LRRC4C: variants seen among roughly 807,000 people sequenced by gnomAD.
LRRC4C encodes the protein leucine rich repeat containing 4C.
LRRC4C carries 5 observed loss-of-function variants against 33.6 expected under a neutral mutation model. The observed-to-expected ratio is 0.15, with a 90% CI of 0.08 to 0.31. The LOEUF (loss-of-function observed/expected upper bound fraction) is 0.31. Ranked by LOEUF, LRRC4C falls within the 10% of genes least tolerant of loss-of-function variation. LRRC4C has a pLI of 1.00. For missense variants in LRRC4C, 560 were observed against 796.7 expected, an observed-to-expected ratio of 0.70 and a Z score of 3.58; for synonymous variants, 329 against 302.0, an observed-to-expected ratio of 1.09 and a Z score of -0.93.
chr11:41,103,191 G>A (rs1282775427), intron 1 of LRRC4C, among the ~76,000 whole-genome samples: 1 of 151,758 alleles, frequency 6.6e-6, no homozygotes, highest in Admixed American at 6.6e-5. Flanking sequence ...CAATTGATAA[G>A]TAAAATATTA....
intron 3 of LRRC4C, among the ~76,000 whole-genome samples, chr11:40,564,691 A>T (rs1957683275): frequency 6.6e-6 from 1 of 152,162 alleles, no homozygotes; most frequent in Non-Finnish European, 1.5e-5. Context: ...TCTCAGTGTT[A>T]CATTCTTCCA....
At chr11:40,893,616 T>A (rs1955811972) in intron 2 of LRRC4C, among the ~76,000 whole-genome samples, 1 of 152,100 alleles carries the variant, frequency 6.6e-6, no homozygotes, top group Non-Finnish European at 1.5e-5. Context: ...AGAACTTAGA[T>A]GATTTAATCT....
chr11:40,833,745 G>A (rs957887925), intron 2 of LRRC4C, among the ~76,000 whole-genome samples: 8 of 151,460 alleles, frequency 5.3e-5, no homozygotes, highest in African/African-American at 1.4e-4. Flanking sequence ...CATATAAAAC[G>A]ACTTAAAATG....
At chr11:40,126,064 A>G (rs1365156867) in intron 6 of LRRC4C, among the ~76,000 whole-genome samples, 4 of 151,258 alleles carry the variant, frequency 2.6e-5, no homozygotes, top group Admixed American at 2.6e-4. Context: ...GCTATAACCC[A>G]GTGAATCAAC....
intron 3 of LRRC4C, among the ~76,000 whole-genome samples, chr11:40,399,160 T>G (rs886209724): frequency 6.6e-6 from 1 of 152,130 alleles, no homozygotes; most frequent in African/African-American, 2.4e-5. Flanking sequence ...AAATACCATC[T>G]GACCCAGCCA....
intron 3 of LRRC4C, among the ~76,000 whole-genome samples, chr11:40,357,644 G>T (rs1370759714): frequency 1.3e-5 from 2 of 151,898 alleles, no homozygotes; most frequent in African/African-American, 2.4e-5. Flanking sequence ...CTTAACAAAT[G>T]TATGTCTTAT....
rs902165629 is a variant in LRRC4C at position 40,728,774 on chromosome 11, A to G, written c.-406-80496T>C. Among the ~76,000 whole-genome samples, 3 of 152,296 alleles carry G rather than the reference A, an allele frequency of 2.0e-5. No homozygotes were observed. The East Asian group carries it at 5.8e-4, about 29-fold the overall frequency. On this transcript the variant is annotated intron_variant, in intron 2 of 6. Transcript: ENST00000528697. ...TAGATCAAAGATCATAAGAACGTGC[A>G]TATACACCATGGAATAATACATAGC...
intron 3 of LRRC4C, among the ~76,000 whole-genome samples, chr11:40,328,553 C>G (rs1565277793): frequency 6.6e-6 from 1 of 152,100 alleles, no homozygotes; most frequent in African/African-American, 2.4e-5. Context: ...TGGGACTTCT[C>G]TAAGGCAGAC....
At chr11:40,439,126 A>G (rs1951276866) in intron 3 of LRRC4C, among the ~76,000 whole-genome samples, 1 of 146,848 alleles carries the variant, frequency 6.8e-6, no homozygotes, top group Non-Finnish European at 1.5e-5. Context: ...TATTTTTAGT[A>G]GAGATGGGTT....
intron 3 of LRRC4C, among the ~76,000 whole-genome samples, chr11:40,433,772 G>A (rs1051198472): frequency 5.3e-5 from 8 of 152,200 alleles, no homozygotes; most frequent in Non-Finnish European, 1.2e-4. Flanking sequence ...AGGACTTAAA[G>A]TTTGGGAAGA....
chr11:40,302,896 T>G (rs1944844707), intron 4 of LRRC4C, among the ~76,000 whole-genome samples: 1 of 152,176 alleles, frequency 6.6e-6, no homozygotes. Context: ...GAATCTGACA[T>G]TCATTGTTTG....
At chr11:40,950,133 G>C (rs1277477076) in intron 1 of LRRC4C, among the ~76,000 whole-genome samples, 1 of 151,878 alleles carries the variant, frequency 6.6e-6, no homozygotes, top group African/African-American at 2.4e-5. Flanking sequence ...GGTGTCCAAG[G>C]TCCCACCCAC....
At chr11:40,794,039 TC>T (rs1591738056) in intron 2 of LRRC4C, among the ~76,000 whole-genome samples, 2 of 152,162 alleles carry the variant, frequency 1.3e-5, no homozygotes, top group African/African-American at 4.8e-5. Flanking sequence ...GGCTTCTTTT[TC>T]TTTGTGAGAT....
chr11:40,671,417 T>A (rs1283163188), intron 2 of LRRC4C, among the ~76,000 whole-genome samples: 11 of 152,184 alleles, frequency 7.2e-5, no homozygotes, highest in Non-Finnish European at 1.5e-4. Context: ...AATAGGAATT[T>A]AATAAACTTA....
rs559289497 is a variant in LRRC4C at position 40,891,064 on chromosome 11, T to C, written c.-407+42571A>G. 2.0e-3 allele frequency among the ~76,000 whole-genome samples: 298 copies of C among 152,134 alleles called. 1 individual carries two copies. Among genetic ancestry groups the C allele is most frequent in the African/African-American group, 7.0e-3 (292 of 41,518 alleles). The stretch of plus-strand genomic sequence containing the variant: ...TCAAAACCATCCTGGCCAATGTCTC[T>C]ACTAAAAATACAAAAATTAGCCAGA... On this transcript the variant is annotated intron_variant, in intron 2 of 6. Transcript: ENST00000528697.
At chr11:40,214,348 C>T (rs1863822670) in intron 5 of LRRC4C, among the ~76,000 whole-genome samples, 1 of 151,988 alleles carries the variant, frequency 6.6e-6, no homozygotes, top group African/African-American at 2.4e-5. Context: ...TTGTCTTGTC[C>T]CTACCTGAGA....
At chr11:41,118,547 T>C (rs144798703) in intron 1 of LRRC4C, among the ~76,000 whole-genome samples, 1 of 152,328 alleles carries the variant, frequency 6.6e-6, no homozygotes, top group African/African-American at 2.4e-5. Context: ...TTAATGTATC[T>C]CTATCAACCC....
Position 41,238,072 on chromosome 11 carries a change from G to A in LRRC4C, c.-496+221359C>T, listed in dbSNP as rs1948099753. Among the ~76,000 whole-genome samples the A allele has an allele frequency of 3.9e-5, 6 of 152,116 alleles. No homozygotes were observed. In the South Asian group the frequency reaches 1.2e-3, roughly 32 times the overall value. Reference sequence around the variant, plus strand: ...TCCTAAACAAATTCCCACTTCCTATGAACAAATGTTAAACTCTGCTAATTT... The same window carrying A: ...TCCTAAACAAATTCCCACTTCCTATAAACAAATGTTAAACTCTGCTAATTT... On this transcript the variant is annotated intron_variant, in intron 1 of 6. Coordinates refer to ENST00000528697, the MANE Select transcript of LRRC4C (RefSeq NM_001258419.2).
intron 2 of LRRC4C, among the ~76,000 whole-genome samples, chr11:40,740,617 G>A (rs776850578): frequency 2.0e-5 from 3 of 151,686 alleles, no homozygotes; most frequent in African/African-American, 7.3e-5. Context: ...TTTCTTTGTT[G>A]TGCAGAAACG....
Sources: gnomAD v4.1 joint callset for allele counts (sites outside exome capture counted in the v4.1 genomes callset) on GRCh38, gnomAD v4.1.1 for gene constraint, MANE v1.5 for transcripts, NCBI Gene and HGNC (gene_info 2026-07-23, HGNC 2026-07-21) for gene names.